The following WDSUB1 variants were observed in gnomAD, a reference collection of about 807,000 sequenced individuals.
WDSUB1 encodes the protein WD repeat, sterile alpha motif and U-box domain containing 1.
Under a neutral mutation model 53.9 loss-of-function variants are expected in WDSUB1, and 49 were observed. The ratio of observed to expected loss-of-function variants is 0.91; its 90% CI spans 0.72 to 1.15. WDSUB1 has a LOEUF of 1.15. Ranked by LOEUF, WDSUB1 falls within the 50% of genes most tolerant of loss-of-function variation. The pLI is 0.00. For missense variants in WDSUB1, 514 were observed against 562.0 expected, an observed-to-expected ratio of 0.91 and a Z score of 0.86; for synonymous variants, 194 against 200.6, an observed-to-expected ratio of 0.97 and a Z score of 0.28.
chr2:159,262,952 A>G (rs1193288310), intron 5 of WDSUB1, among the ~76,000 whole-genome samples: 1 of 152,164 alleles, frequency 6.6e-6, no homozygotes, highest in Admixed American at 6.5e-5. Flanking sequence ...CTGCCCTGTC[A>G]TCTTTCCCCC....
intron 5 of WDSUB1, among the ~76,000 whole-genome samples, chr2:159,266,390 A>G (rs78948820): frequency 4.6e-5 from 7 of 152,264 alleles, no homozygotes; most frequent in Middle Eastern, 3.4e-3. Context: ...GGGTTTCACC[A>G]TGTTAGCCAG....
intron 3 of WDSUB1, among the ~76,000 whole-genome samples, chr2:159,276,250 CG>C (rs2061539460): frequency 1.3e-5 from 2 of 151,920 alleles, no homozygotes; most frequent in African/African-American, 4.8e-5. Context: ...TTAGTAGAGA[CG>C]GGGTTTCCCC....
At chr2:159,261,370 G>A (rs1303576576) in intron 5 of WDSUB1, among the ~76,000 whole-genome samples, 2 of 152,118 alleles carry the variant, frequency 1.3e-5, no homozygotes, top group African/African-American at 4.8e-5. Context: ...ATCCCCTGCA[G>A]ATACCAACGG....
At chr2:159,274,125 A>T (rs2061493732) in intron 4 of WDSUB1, among the ~76,000 whole-genome samples, 1 of 152,230 alleles carries the variant, frequency 6.6e-6, no homozygotes, top group Non-Finnish European at 1.5e-5. Flanking sequence ...AAAGCACATT[A>T]AGTAATGAAG....
chr2:159,268,746 G>A lies in WDSUB1; in HGVS notation c.770+2956C>T, dbSNP rs556684498. Among the ~76,000 whole-genome samples, 8 of 152,260 alleles carry A rather than the reference G, an allele frequency of 5.3e-5. No individual in the cohort carries two copies. In the South Asian group the frequency reaches 1.2e-3, roughly 24 times the overall value. ...GTATAAAGTAATTGAATCATGAAAC[G>A]ATGTTCCAGCCCATTGCCTAACAGA... On this transcript the variant is annotated intron_variant, in intron 5 of 10. Coordinates refer to ENST00000359774, the MANE Select transcript of WDSUB1 (RefSeq NM_001128212.3).
rs62172690 is a variant in WDSUB1 at position 159,276,637 on chromosome 2, C to T, written c.584-999G>A. On this transcript the variant is annotated intron_variant, in intron 3 of 10. Transcript: ENST00000359774. Reference sequence around the variant, plus strand: ...CAATTTTGGATAATGTAAATATTGACATCATCAATGCAATTTTATACAAGT... The same window carrying T: ...CAATTTTGGATAATGTAAATATTGATATCATCAATGCAATTTTATACAAGT... Among the ~76,000 whole-genome samples, 1,261 of 152,274 alleles carry T rather than the reference C, an allele frequency of 8.3e-3. 14 individuals are homozygous for T. The highest frequency in any genetic ancestry group is 0.017 in the Middle Eastern group (5 of 294).
chr2:159,279,852 T>C lies in WDSUB1; in HGVS notation c.492A>G (p.Thr164=). The part of the protein sequence containing the change: ...FVTGSSCGDL[T]VWDDKMRCLH... ...GACACCTCATTTTATCATCCCACAC[T>C]GTTAAATCACCACATGAGGAGCCAG... Residue 164 remains threonine (T), a synonymous_variant, in exon 3 of 11, where the codon ACA becomes ACG. Coordinates refer to ENST00000359774, the MANE Select transcript of WDSUB1 (RefSeq NM_001128212.3). 1.2e-6 allele frequency: 2 copies of C among 1,612,822 alleles called. No individual in the cohort carries two copies. The highest frequency in any genetic ancestry group is 1.3e-5 in the African/African-American group (1 of 75,046).
At chr2:159,276,102 A>G (rs1431096110) in intron 3 of WDSUB1, among the ~76,000 whole-genome samples, 2 of 150,182 alleles carry the variant, frequency 1.3e-5, no homozygotes, top group Admixed American at 6.7e-5. Context: ...TCTGATGCCC[A>G]GGCTGGAGTG....
chr2:159,284,107 C>T (rs752846987), intron 1 of WDSUB1, among the ~76,000 whole-genome samples: 11 of 152,210 alleles, frequency 7.2e-5, no homozygotes, highest in African/African-American at 1.7e-4. Flanking sequence ...CCACCGTACC[C>T]GGCCAAGGGA....
intron 9 of WDSUB1, among the ~76,000 whole-genome samples, chr2:159,253,318 A>G (rs1001737226): frequency 3.9e-5 from 6 of 152,234 alleles, no homozygotes; most frequent in Non-Finnish European, 7.3e-5. Context: ...AGTTCTAGAT[A>G]TAAGGAATTA....
At chr2:159,282,431 A>G (rs112456426) in intron 2 of WDSUB1, among the ~76,000 whole-genome samples, 13 of 152,292 alleles carry the variant, frequency 8.5e-5, no homozygotes, top group African/African-American at 3.1e-4. Flanking sequence ...TGACCTCGTG[A>G]TCCGCCTGCC....
At chr2:159,261,890 ATATATATTTTTTTTTTTTTTT>A (rs2061228961) in intron 5 of WDSUB1, among the ~76,000 whole-genome samples, 3 of 13,646 alleles carry the variant, frequency 2.2e-4, no homozygotes, top group Non-Finnish European at 2.2e-4. Flanking sequence ...ATATATATAT[ATATATATTTTTTTTTTTTTTT>A]TTTTTTTTTT....
At chr2:159,257,888 T>C (rs774790877) in intron 7 of WDSUB1, 24 bp from the exon 8 acceptor site, 20 of 1,611,194 alleles carry the variant, frequency 1.2e-5, no homozygotes, top group Non-Finnish European at 1.3e-5. Context: ...ACAACTATTA[T>C]GTATCTTCTG....
intron 8 of WDSUB1, among the ~76,000 whole-genome samples, chr2:159,257,021 T>C (rs1240672933): frequency 1.3e-5 from 2 of 152,166 alleles, no homozygotes; most frequent in Non-Finnish European, 2.9e-5. Context: ...ATTTTAGAGA[T>C]GAGTTCTCAC....
At chr2:159,274,966 A>G (rs13393343) in intron 4 of WDSUB1, among the ~76,000 whole-genome samples, 22,930 of 152,180 alleles carry the variant, frequency 0.15, 3,490 homozygotes, top group African/African-American at 0.38. Context: ...ACATTCAAAA[A>G]AAGGTTAAGA....
In WDSUB1 at chr2:159,281,881, G is replaced by A. The variant is rs183462331; in HGVS notation, c.398+791C>T. ...AATCCCAGCAACTCGGGAGGCCGAG[G>A]CAGGAGAATCGCTTGAACCTGGGAG... On this transcript the variant is annotated intron_variant, in intron 2 of 10. Transcript: ENST00000359774. 3.4e-4 allele frequency among the ~76,000 whole-genome samples: 52 copies of A among 152,326 alleles called. No homozygotes were observed. In the East Asian group the frequency reaches 9.9e-3, roughly 29 times the overall value.
At chr2:159,276,993 A>T (rs1209803542) in intron 3 of WDSUB1, among the ~76,000 whole-genome samples, 1 of 152,184 alleles carries the variant, frequency 6.6e-6, no homozygotes, top group African/African-American at 2.4e-5. Flanking sequence ...TGACGGAGCA[A>T]GACCCTGTCA....
intron 4 of WDSUB1, among the ~76,000 whole-genome samples, chr2:159,273,000 C>T (rs939506584): frequency 2.6e-5 from 4 of 152,114 alleles, no homozygotes; most frequent in Non-Finnish European, 5.9e-5. Flanking sequence ...TTTATAACTA[C>T]ATCAGACACA....
intron 1 of WDSUB1, among the ~76,000 whole-genome samples, chr2:159,285,000 G>C (rs2061756378): frequency 6.6e-6 from 1 of 152,112 alleles, no homozygotes; most frequent in South Asian, 2.1e-4. Context: ...CCACTCCCTA[G>C]GCTAGCACAT....
Sources: allele counts gnomAD v4.1 joint callset (sites outside exome capture counted in the v4.1 genomes callset), GRCh38; gene constraint gnomAD v4.1.1; transcripts MANE v1.5; gene names NCBI Gene and HGNC (gene_info 2026-07-23, HGNC 2026-07-21).